Variants in NVL observed in about 807,000 individuals in gnomAD.
The protein encoded by NVL is nuclear VCP like.
In NVL, 84 loss-of-function variants were observed where a neutral mutation model predicts 110.2. That is an observed-to-expected ratio of 0.76 (90% confidence interval 0.64 to 0.91). NVL has a LOEUF of 0.91. Among genes scored for constraint, NVL ranks in the 40% least tolerant of loss-of-function variants. NVL has a pLI of 0.00. For synonymous variants in NVL, 354 were observed against 361.1 expected (o/e 0.98, Z 0.22); for missense variants, 882 against 1,035.9 (o/e 0.85, Z 2.04).
intron 4 of NVL, among the ~76,000 whole-genome samples, chr1:224,313,417 T>C (rs1046542838): frequency 1.3e-5 from 2 of 152,008 alleles, no homozygotes; most frequent in African/African-American, 4.8e-5. Context: ...TTTCTAAGCA[T>C]ATCAGCATAA....
At chr1:224,240,346 G>C (rs1002027206) in intron 19 of NVL, among the ~76,000 whole-genome samples, 1 of 152,162 alleles carries the variant, frequency 6.6e-6, no homozygotes, top group Non-Finnish European at 1.5e-5. Flanking sequence ...TAGGATTACA[G>C]GCGTGAGCCA....
intron 1 of NVL, 68 bp from the exon 2 acceptor site, chr1:224,326,532 T>C (rs1269547247): frequency 9.8e-7 from 1 of 1,020,038 alleles, no homozygotes; most frequent in Non-Finnish European, 1.5e-6. Flanking sequence ...AATCAACAGA[T>C]TGAGCTATCT....
intron 2 of NVL, among the ~76,000 whole-genome samples, chr1:224,320,442 T>G (rs1327205250): frequency 1.3e-5 from 2 of 151,866 alleles, no homozygotes; most frequent in Admixed American, 1.3e-4. Flanking sequence ...CGGTCAGGAG[T>G]TCGAAACTAG....
chr1:224,321,191 G>A (rs993721082), intron 2 of NVL, among the ~76,000 whole-genome samples: 3 of 152,316 alleles, frequency 2.0e-5, no homozygotes, highest in Admixed American at 6.5e-5. Context: ...GCTGCAGTGA[G>A]CCGAGATTGA....
chr1:224,253,457 G>A (rs1169136853), intron 18 of NVL, among the ~76,000 whole-genome samples: 12 of 151,920 alleles, frequency 7.9e-5, no homozygotes, highest in African/African-American at 1.9e-4. Flanking sequence ...ATTGCTGGCC[G>A]GGTGGAGTGG....
rs571414555 is a variant in NVL, at chr1:224,315,733, G to A, written c.284+1961C>T. Among the ~76,000 whole-genome samples, 5 of 152,214 alleles carry A rather than the reference G, an allele frequency of 3.3e-5. No individual in the cohort carries two copies. In the South Asian group the frequency reaches 8.3e-4, roughly 25 times the overall value. On this transcript the variant is annotated intron_variant, in intron 4 of 22. Transcript: ENST00000281701. The stretch of plus-strand genomic sequence containing the variant: ...ATTCTAATCTTAGATATTTAACAAG[G>A]GAAATGAAAATACTGTCCACACAAA...
chr1:224,248,802 G>C lies in NVL; in HGVS notation c.2289+1410C>G, dbSNP rs375922611. ...CTGGAGACAAGCAGCCTGAGGAGAA[G>C]ATAGCTCTAGAAAAAGTTAGACACA... On this transcript the variant is annotated intron_variant, in intron 19 of 22. Coordinates refer to ENST00000281701, the MANE Select transcript of NVL (RefSeq NM_002533.4). 8.5e-5 allele frequency among the ~76,000 whole-genome samples: 13 copies of C among 152,316 alleles called. No individual in the cohort carries two copies. In the East Asian group the frequency reaches 2.5e-3, roughly 29 times the overall value.
chr1:224,316,672 A>AAC (rs1165721886), intron 4 of NVL, among the ~76,000 whole-genome samples: 7 of 151,194 alleles, frequency 4.6e-5, no homozygotes, highest in African/African-American at 1.7e-4. Flanking sequence ...CAAAAAAAAA[A>AAC]AAAAAAGAAA....
At chr1:224,233,140 C>A in intron 21 of NVL, 61 bp downstream of exon 21, 1 of 1,408,294 alleles carries the variant, frequency 7.1e-7, no homozygotes, top group Non-Finnish European at 9.8e-7. Context: ...GGTCATTTTC[C>A]AGGGCAACAG....
chr1:224,322,725 G>A (rs999191241), intron 2 of NVL, among the ~76,000 whole-genome samples: 5 of 152,086 alleles, frequency 3.3e-5, no homozygotes, highest in African/African-American at 4.8e-5. Context: ...AGAATGAGGC[G>A]GGCAGATTGC....
chr1:224,227,795 G>T, intron 22 of NVL, 125 bp from the exon 23 acceptor site: 1 of 759,822 alleles, frequency 1.3e-6, no homozygotes, highest in African/African-American at 1.7e-5. Flanking sequence ...TGTAACTGGA[G>T]AGAGGGTCTT....
At chr1:224,236,379 T>C in intron 20 of NVL, 127 bp downstream of exon 20, 1 of 693,728 alleles carries the variant, frequency 1.4e-6, no homozygotes, top group Non-Finnish European at 2.5e-6. Context: ...AGACACTTTA[T>C]GTGCTTCATG....
At position 224,303,826 on chromosome 1, in the gene NVL, T is replaced by A. The variant is rs751101050; in HGVS notation, c.857A>T (p.His286Leu). ...GCCCAGGTGGTGGTACACCTCCGGGTGACGCATGTGTATGAGCATCTTGCA... is the reference window on the plus strand; with the variant it reads ...GCCCAGGTGGTGGTACACCTCCGGGAGACGCATGTGTATGAGCATCTTGCA... ...EVCKMLIHMR[H>L]PEVYHHLGVV... Residue 286 changes from histidine to leucine, a missense_variant, in exon 9 of 23, where the codon CAC becomes CTC. Around this residue, in one of 4 missense-constraint regions of NVL, gnomAD observed 416 missense variants for 499.3 expected, o/e 0.83. Coordinates refer to ENST00000281701, the MANE Select transcript of NVL (RefSeq NM_002533.4). The A allele has an allele frequency of 6.2e-7, 1 of 1,613,690 alleles. No individual in the cohort carries two copies. The highest frequency in any genetic ancestry group is 8.5e-7 in the Non-Finnish European group (1 of 1,179,800).
intron 22 of NVL, among the ~76,000 whole-genome samples, chr1:224,230,706 C>T (rs1659777453): frequency 6.6e-6 from 1 of 151,978 alleles, no homozygotes; most frequent in Non-Finnish European, 1.5e-5. Flanking sequence ...TGTTCTAGTC[C>T]CTAAGAAACA....
In NVL at chr1:224,303,707, T is replaced by C. The variant is rs1207672615; in HGVS notation, c.960+16A>G. 1.3e-6 allele frequency: 2 copies of C among 1,593,682 alleles called. No homozygotes were observed. Among genetic ancestry groups the C allele is most frequent in the Non-Finnish European group, 1.7e-6 (2 of 1,170,668 alleles). On this transcript the variant is annotated intron_variant, in intron 9 of 22. Coordinates refer to ENST00000281701, the MANE Select transcript of NVL (RefSeq NM_002533.4). Reference sequence around the variant, plus strand: ...AACAAAAACAGCAAAAGCAAACAAATGTCAGCAAGCCTCACCCCAGCAATT... The same window carrying C: ...AACAAAAACAGCAAAAGCAAACAAACGTCAGCAAGCCTCACCCCAGCAATT...
At chr1:224,263,882 G>A (rs548603122) in intron 18 of NVL, among the ~76,000 whole-genome samples, 61 of 152,248 alleles carry the variant, frequency 4.0e-4, no homozygotes, top group African/African-American at 1.5e-3. Flanking sequence ...GGGTGTGGTG[G>A]CACATGCCTG....
intron 19 of NVL, among the ~76,000 whole-genome samples, chr1:224,242,511 GGA>G (rs1334243993): frequency 8.5e-6 from 1 of 118,190 alleles, no homozygotes; most frequent in Non-Finnish European, 1.6e-5. Flanking sequence ...TTTTTGAGAC[GGA>G]GTCTCACTCT....
chr1:224,326,070 T>C (rs1671116318), intron 2 of NVL, among the ~76,000 whole-genome samples: 1 of 152,238 alleles, frequency 6.6e-6, no homozygotes, highest in Non-Finnish European at 1.5e-5. Context: ...ATTACAGGCA[T>C]GAGCCATTAT....
chr1:224,249,576 C>T (rs909452011), intron 19 of NVL, among the ~76,000 whole-genome samples: 3 of 152,138 alleles, frequency 2.0e-5, no homozygotes, highest in African/African-American at 7.2e-5. Flanking sequence ...AACCCCGTCT[C>T]TACTAAAAAA....
Sources: allele counts gnomAD v4.1 joint callset (sites outside exome capture counted in the v4.1 genomes callset), GRCh38; gene constraint gnomAD v4.1.1; regional missense constraint gnomAD v4.1.1; transcripts MANE v1.5; gene names NCBI Gene and HGNC (gene_info 2026-07-23, HGNC 2026-07-21).